TAF2: variants seen among roughly 807,000 people sequenced by gnomAD.
TAF2 encodes the protein TATA-box binding protein associated factor 2.
In TAF2, 61 loss-of-function variants were observed where a neutral mutation model predicts 138.5. That is an observed-to-expected ratio of 0.44 (90% confidence interval 0.36 to 0.54). TAF2 has a LOEUF of 0.54. TAF2 is among the 20% of genes least tolerant of loss of function. TAF2 has a pLI of 0.00. For missense variants in TAF2, 1,090 were observed against 1,427.9 expected, an observed-to-expected ratio of 0.76 and a Z score of 3.81; for synonymous variants, 475 against 469.9, an observed-to-expected ratio of 1.01 and a Z score of -0.14.
chr8:119,823,096 T>C (rs996685413), intron 2 of TAF2, among the ~76,000 whole-genome samples: 5 of 152,232 alleles, frequency 3.3e-5, no homozygotes, highest in Admixed American at 1.3e-4. Flanking sequence ...TTCCTTTCTG[T>C]AGAATTTTTT....
chr8:119,831,810 T>A, intron 1 of TAF2, 79 bp from the exon 2 acceptor site: 1 of 980,642 alleles, frequency 1.0e-6, no homozygotes, highest in East Asian at 2.9e-5. Context: ...TATCCAAGTA[T>A]AAATTAGGAC....
intron 24 of TAF2, among the ~76,000 whole-genome samples, chr8:119,743,095 A>G (rs527659431): frequency 2.5e-4 from 38 of 152,140 alleles, no homozygotes; most frequent in Admixed American, 1.4e-3. Flanking sequence ...AAAACCCCAA[A>G]AAACAAAAAC....
intron 5 of TAF2, 68 bp downstream of exon 5, chr8:119,803,810 A>G: frequency 7.1e-7 from 1 of 1,404,572 alleles, no homozygotes; most frequent in Non-Finnish European, 9.8e-7. Flanking sequence ...CACCAAATGT[A>G]TGTCTTGCTT....
intron 3 of TAF2, among the ~76,000 whole-genome samples, chr8:119,811,577 C>T (rs1228819210): frequency 7.2e-5 from 11 of 151,810 alleles, no homozygotes; most frequent in Non-Finnish European, 1.6e-4. Flanking sequence ...GAGGCCGAGG[C>T]GGGCAGATCA....
intron 18 of TAF2, among the ~76,000 whole-genome samples, chr8:119,763,662 G>A (rs1220402802): frequency 1.3e-5 from 2 of 152,082 alleles, no homozygotes; most frequent in African/African-American, 2.4e-5. Context: ...CCCAGGAGAC[G>A]GAGGTTGCAG....
intron 16 of TAF2, 96 bp from the exon 17 acceptor site, chr8:119,781,289 A>C: frequency 2.1e-6 from 3 of 1,399,656 alleles, no homozygotes; most frequent in Non-Finnish European, 3.0e-6. Flanking sequence ...CTACAACTGG[A>C]TTGGGTTTTC....
Position 119,805,458 on chromosome 8 carries a change from C to T in TAF2, c.418+825G>A, listed in dbSNP as rs948542576. 2.6e-5 allele frequency among the ~76,000 whole-genome samples: 4 copies of T among 152,258 alleles called. No homozygotes were observed. In the East Asian group the frequency reaches 7.7e-4, roughly 29 times the overall value. On this transcript the variant is annotated intron_variant, in intron 4 of 25. Coordinates refer to ENST00000378164, the MANE Select transcript of TAF2 (RefSeq NM_003184.4). ...CAGTGGCTCACGCCTGTAATCCCAG[C>T]ACTTTGGGAGGCCAAGGAGGGTGGA...
At chr8:119,789,871 C>T (rs1823295689) in intron 11 of TAF2, 125 bp from the exon 12 acceptor site, 3 of 972,016 alleles carry the variant, frequency 3.1e-6, no homozygotes, top group East Asian at 2.7e-5. Flanking sequence ...CTATTTATTA[C>T]ACAGATTATT....
Position 119,832,834 on chromosome 8 carries a change from T to C in TAF2, c.-270A>G. 2.3e-6 allele frequency: 1 copy of C among 436,102 alleles called. No individual in the cohort carries two copies. Among genetic ancestry groups the C allele is most frequent in the East Asian group, 3.5e-5 (1 of 28,290 alleles). 27.0% of individuals were successfully genotyped at this position (436,102 alleles called of 1,614,324 possible). A position where few individuals can be genotyped will look rare whatever the true frequency, so the allele number is the denominator to read the frequency against. The stretch of plus-strand genomic sequence containing the variant: ...CTACCATCCGCCGACATCTTGTCTG[T>C]AACCTCTGACCTCCGACGTCAGCGG... On this transcript the variant is annotated 5_prime_UTR_variant, in exon 1 of 26. Transcript: ENST00000378164.
chr8:119,823,998 T>C (rs558528077), intron 2 of TAF2, among the ~76,000 whole-genome samples: 1 of 152,322 alleles, frequency 6.6e-6, no homozygotes, highest in East Asian at 1.9e-4. Flanking sequence ...TTGAGAAAGA[T>C]GATTTAGGGT....
chr8:119,756,116 C>T lies in TAF2; in HGVS notation c.2769-1G>A. ...AGTCAACATGTTGAGAATCTTATGCCTGAAAGATTAAAAAAAATTAAATTT... is the reference window on the plus strand; with the variant it reads ...AGTCAACATGTTGAGAATCTTATGCTTGAAAGATTAAAAAAAATTAAATTT... On this transcript the variant is annotated splice_acceptor_variant, in intron 21 of 25. Transcript: ENST00000378164. LOFTEE classifies it high-confidence loss of function. The T allele has an allele frequency of 1.2e-6, 2 of 1,611,258 alleles. No homozygotes were observed. The highest frequency in any genetic ancestry group is 1.7e-6 in the Non-Finnish European group (2 of 1,177,960).
At chr8:119,824,580 C>T (rs957690521) in intron 2 of TAF2, among the ~76,000 whole-genome samples, 10 of 152,206 alleles carry the variant, frequency 6.6e-5, no homozygotes, top group Non-Finnish European at 1.3e-4. Flanking sequence ...GGTCTTCACA[C>T]AGCCCCTCCC....
At chr8:119,820,471 G>A (rs942955933) in intron 2 of TAF2, among the ~76,000 whole-genome samples, 4 of 152,050 alleles carry the variant, frequency 2.6e-5, no homozygotes, top group African/African-American at 9.7e-5. Context: ...CCAACTCTAA[G>A]AGACAAGTAC....
At chr8:119,746,988 T>G in intron 22 of TAF2, 54 bp from the exon 23 acceptor site, 1 of 1,562,348 alleles carries the variant, frequency 6.4e-7, no homozygotes, top group South Asian at 1.1e-5. Flanking sequence ...TTCATACATT[T>G]TAACTGTCCC....
At chr8:119,752,275 T>C (rs1245938936) in intron 22 of TAF2, among the ~76,000 whole-genome samples, 5 of 152,024 alleles carry the variant, frequency 3.3e-5, no homozygotes, top group Non-Finnish European at 7.4e-5. Context: ...ATCTGATACG[T>C]GTATGAGTGA....
At chr8:119,823,994 A>G (rs993711144) in intron 2 of TAF2, among the ~76,000 whole-genome samples, 2 of 152,192 alleles carry the variant, frequency 1.3e-5, no homozygotes, top group African/African-American at 4.8e-5. Context: ...GAACTTGAGA[A>G]AGATGATTTA....
intron 18 of TAF2, among the ~76,000 whole-genome samples, chr8:119,773,690 T>C (rs1213511393): frequency 1.3e-5 from 2 of 151,444 alleles, no homozygotes; most frequent in East Asian, 1.9e-4. Flanking sequence ...TCTCTATATA[T>C]AGATTCTATA....
chr8:119,752,655 A>C (rs1820429499), intron 22 of TAF2, among the ~76,000 whole-genome samples: 2 of 152,190 alleles, frequency 1.3e-5, no homozygotes, highest in Admixed American at 1.3e-4. Context: ...TGTTTCTATA[A>C]ATCCAACCAC....
intron 13 of TAF2, 43 bp downstream of exon 13, chr8:119,788,747 T>G (rs1271569009): frequency 1.5e-6 from 2 of 1,348,020 alleles, no homozygotes; most frequent in Non-Finnish European, 2.1e-6. Context: ...CTATTGAAAC[T>G]GAGGAGATAG....
Sources: allele counts gnomAD v4.1 joint callset (sites outside exome capture counted in the v4.1 genomes callset), GRCh38; gene constraint gnomAD v4.1.1; transcripts MANE v1.5; gene names NCBI Gene and HGNC (gene_info 2026-07-23, HGNC 2026-07-21).